ADAM18: variants seen among roughly 807,000 people sequenced by gnomAD.
ADAM18 encodes ADAM metallopeptidase domain 18, also known as disintegrin and metalloproteinase domain-containing protein 18.
In ADAM18, 117 loss-of-function variants were observed where a neutral mutation model predicts 94.4. The observed-to-expected ratio is 1.24, with a 90% CI of 1.07 to 1.45. The LOEUF is 1.45. Among genes scored for constraint, ADAM18 ranks in the 40% most tolerant of loss-of-function variants. The pLI is 0.00. For missense variants in ADAM18, 936 were observed against 880.0 expected (o/e 1.06, Z -0.81); for synonymous variants, 327 against 291.6 (o/e 1.12, Z -1.24).
At chr8:39,623,017 C>T (rs1255032143) in intron 6 of ADAM18, among the ~76,000 whole-genome samples, 1 of 152,074 alleles carries the variant, frequency 6.6e-6, no homozygotes, top group Non-Finnish European at 1.5e-5. Context: ...TTTAATCCCT[C>T]ACTCCCCCTC....
At chr8:39,680,860 G>A (rs567544931) in intron 16 of ADAM18, among the ~76,000 whole-genome samples, 15 of 151,544 alleles carry the variant, frequency 9.9e-5, no homozygotes, top group Non-Finnish European at 2.2e-4. Context: ...GCACTTAAAT[G>A]TCATTTGGTG....
rs187138240 is a variant in ADAM18, at chr8:39,700,881, G to A, written c.1903-5909G>A. Among the ~76,000 whole-genome samples the A allele has an allele frequency of 7.3e-5, 11 of 151,628 alleles. No homozygotes were observed. The East Asian group carries it at 9.7e-4, about 13-fold the overall frequency. On this transcript the variant is annotated intron_variant, in intron 17 of 19. Transcript: ENST00000265707. The stretch of plus-strand genomic sequence containing the variant: ...TTATTGTAATGCACTTTGGGAGGCC[G>A]AGGCGGGCGGATCACGAGGTCAGGA...
intron 2 of ADAM18, among the ~76,000 whole-genome samples, chr8:39,601,374 C>G (rs1188393660): frequency 6.6e-6 from 1 of 152,208 alleles, no homozygotes; most frequent in Non-Finnish European, 1.5e-5. Context: ...CTTGTTTCCT[C>G]CACATTTGAG....
intron 19 of ADAM18, among the ~76,000 whole-genome samples, chr8:39,726,915 T>A: frequency 6.6e-6 from 1 of 152,344 alleles, no homozygotes; most frequent in South Asian, 2.1e-4. Context: ...TTTTGAATAA[T>A]TTAATATTAC....
intron 19 of ADAM18, among the ~76,000 whole-genome samples, chr8:39,725,119 T>A (rs1207540513): frequency 6.6e-6 from 1 of 152,040 alleles, no homozygotes; most frequent in Non-Finnish European, 1.5e-5. Flanking sequence ...ATCGTTTAAG[T>A]CTTCTATATC....
At position 39,723,893 on chromosome 8, in the gene ADAM18, T is replaced by A; in HGVS notation, c.2163T>A (p.Asn721Lys). ...TAAGTAAATCATGTAACAGAGAGAA[T>A]GCAGAGTATAATCGGTAAATATGAT... ...NEISKSCNRE[N>K]AEYNRNSSVV... Residue 721 changes from asparagine to lysine, a missense_variant, in exon 19 of 20, where the codon AAT (asparagine) becomes AAA (lysine). Physicochemically the swap from Asn to Lys is moderately conservative, Grantham distance 94. Transcript: ENST00000265707. 6.5e-7 allele frequency: 1 copy of A among 1,539,562 alleles called. No individual in the cohort carries two copies. The highest frequency in any genetic ancestry group is 1.3e-5 in the South Asian group (1 of 79,484).
In ADAM18 at chr8:39,614,896, AG is replaced by A. The variant is rs139648135; in HGVS notation, c.522+4191del. On this transcript the variant is annotated intron_variant, in intron 6 of 19. Transcript: ENST00000265707. The stretch of plus-strand genomic sequence containing the variant: ...TAGTGATAAAGGGTTCATATCAACA[AG>A]AAGATTTAACTATCCTAAACAGATT... Among the ~76,000 whole-genome samples, 424 of 152,332 alleles carry A rather than the reference AG, an allele frequency of 2.8e-3. 6 individuals are homozygous for A. The East Asian group carries it at 0.038, about 14-fold the overall frequency.
In ADAM18 at chr8:39,637,284, A is replaced by G. The variant is rs750328333; in HGVS notation, c.609A>G (p.Glu203=). The G allele has an allele frequency of 1.9e-6, 3 of 1,606,980 alleles. No homozygotes were observed. Among genetic ancestry groups the G allele is most frequent in the Non-Finnish European group, 2.6e-6 (3 of 1,176,462 alleles). Residue 203 remains glutamate (E), a synonymous_variant, in exon 8 of 20, where the codon GAA becomes GAG. Coordinates refer to ENST00000265707, the MANE Select transcript of ADAM18 (RefSeq NM_014237.3). ...EKALYDYMGS[E]MMAVTQKIVQ... ...TTCAGTATGATTATATGGGATCTGA[A>G]ATGATGGCTGTAACACAAAAAATTG...
At chr8:39,600,784 A>G (rs376936769) in intron 2 of ADAM18, among the ~76,000 whole-genome samples, 3 of 152,216 alleles carry the variant, frequency 2.0e-5, no homozygotes, top group East Asian at 1.9e-4. Flanking sequence ...TTCACAATCA[A>G]TTGGAAGGGG....
intron 5 of ADAM18, 144 bp from the exon 6 acceptor site, chr8:39,610,384 CA>C (rs1044870332): frequency 2.2e-5 from 25 of 1,116,346 alleles, no homozygotes; most frequent in Non-Finnish European, 3.0e-5. Flanking sequence ...ACTGCCCCCC[CA>C]AAAAATAATG....
At chr8:39,630,723 A>G (rs1399474636) in intron 7 of ADAM18, among the ~76,000 whole-genome samples, 2 of 151,968 alleles carry the variant, frequency 1.3e-5, no homozygotes, top group Admixed American at 6.6e-5. Flanking sequence ...CTTTTGGTAG[A>G]CATAATTTCT....
chr8:39,585,182 C>A, intron 1 of ADAM18, 94 bp from the exon 2 acceptor site: 1 of 887,404 alleles, frequency 1.1e-6, no homozygotes, highest in Non-Finnish European at 1.8e-6. Flanking sequence ...AAATTTTAGG[C>A]GCCACCATGC....
chr8:39,674,335 A>G (rs1013058883), intron 14 of ADAM18, among the ~76,000 whole-genome samples: 3 of 152,100 alleles, frequency 2.0e-5, no homozygotes, highest in African/African-American at 7.2e-5. Context: ...TATATTTAAG[A>G]TAGTTAGTTC....
chr8:39,687,917 T>C (rs935782420), intron 16 of ADAM18, among the ~76,000 whole-genome samples: 1 of 152,176 alleles, frequency 6.6e-6, no homozygotes, highest in Non-Finnish European at 1.5e-5. Flanking sequence ...TTGTGAATAG[T>C]GCTGTAATAA....
intron 17 of ADAM18, among the ~76,000 whole-genome samples, chr8:39,693,606 A>G (rs1585987111): frequency 6.6e-6 from 1 of 151,006 alleles, no homozygotes; most frequent in African/African-American, 2.4e-5. Context: ...TTTTGCTACC[A>G]TGTTTCATTG....
intron 14 of ADAM18, 90 bp from the exon 15 acceptor site, chr8:39,677,341 T>C (rs1418241406): frequency 9.6e-7 from 1 of 1,039,664 alleles, no homozygotes; most frequent in Non-Finnish European, 1.4e-6. Flanking sequence ...GTACATGATC[T>C]TTTTGAAATT....
intron 2 of ADAM18, among the ~76,000 whole-genome samples, chr8:39,586,768 C>G (rs1386176943): frequency 5.6e-5 from 6 of 107,178 alleles, no homozygotes; most frequent in African/African-American, 2.1e-4. Flanking sequence ...ATCTATCTAT[C>G]TATCTATCTA....
chr8:39,603,913 G>T (rs1818983369), intron 2 of ADAM18, among the ~76,000 whole-genome samples: 1 of 152,100 alleles, frequency 6.6e-6, no homozygotes, highest in Non-Finnish European at 1.5e-5. Context: ...TTAATTCACA[G>T]AAACTTTCTA....
At chr8:39,664,525 T>G (rs913661994) in intron 13 of ADAM18, among the ~76,000 whole-genome samples, 3 of 152,096 alleles carry the variant, frequency 2.0e-5, no homozygotes, top group Non-Finnish European at 2.9e-5. Context: ...ATCTTCTAAA[T>G]TATCAGATAA....
Sources: allele counts gnomAD v4.1 joint callset (sites outside exome capture counted in the v4.1 genomes callset), GRCh38; gene constraint gnomAD v4.1.1; transcripts MANE v1.5; gene names NCBI Gene and HGNC (gene_info 2026-07-23, HGNC 2026-07-21).